MSI2: variants seen among roughly 807,000 people sequenced by gnomAD.
MSI2 encodes RNA-binding protein Musashi homolog 2.
A neutral mutation model predicts 45.6 loss-of-function variants in MSI2; 17 were observed. The ratio of observed to expected loss-of-function variants is 0.37; its 90% CI spans 0.26 to 0.56. The LOEUF is 0.56. Ranked by LOEUF, MSI2 falls within the 20% of genes least tolerant of loss-of-function variation. MSI2 has a pLI of 0.77. For synonymous variants in MSI2, 156 were observed against 158.2 expected (o/e 0.99, Z 0.11); for missense variants, 293 against 444.2 (o/e 0.66, Z 3.06).
At chr17:57,399,750 G>A (rs373917805) in intron 5 of MSI2, among the ~76,000 whole-genome samples, 1 of 152,326 alleles carries the variant, frequency 6.6e-6, no homozygotes, top group East Asian at 1.9e-4. Context: ...GCATTAGGTG[G>A]GACCTTGGAG....
chr17:57,619,051 G>A (rs985926661), intron 9 of MSI2, among the ~76,000 whole-genome samples: 1 of 152,140 alleles, frequency 6.6e-6, no homozygotes, highest in African/African-American at 2.4e-5. Context: ...TGGGAAGAAG[G>A]AACTGGTTTT....
chr17:57,371,710 G>C (rs1052779008), intron 5 of MSI2, among the ~76,000 whole-genome samples: 1 of 151,942 alleles, frequency 6.6e-6, no homozygotes, highest in Non-Finnish European at 1.5e-5. Flanking sequence ...TGAATAGTTA[G>C]CTGGTTAGTG....
chr17:57,686,162 C>T (rs543239889), downstream of MSI2, among the ~76,000 whole-genome samples: 1 of 152,236 alleles, frequency 6.6e-6, no homozygotes, highest in African/African-American at 2.4e-5. Flanking sequence ...TGACAAATGT[C>T]AGCGTCAGTG....
intron 7 of MSI2, among the ~76,000 whole-genome samples, chr17:57,579,519 C>T (rs1341482533): frequency 6.6e-6 from 1 of 152,164 alleles, no homozygotes; most frequent in Non-Finnish European, 1.5e-5. Flanking sequence ...GCCATCAGGA[C>T]ATCTGAGGAC....
chr17:57,646,083 G>A (rs1452257452), intron 10 of MSI2, among the ~76,000 whole-genome samples: 1 of 152,174 alleles, frequency 6.6e-6, no homozygotes, highest in Non-Finnish European at 1.5e-5. Flanking sequence ...CTGCATCAGA[G>A]CATCCTGACC....
chr17:57,504,220 C>T (rs1452267151), intron 6 of MSI2, among the ~76,000 whole-genome samples: 5 of 152,212 alleles, frequency 3.3e-5, no homozygotes, highest in Admixed American at 6.5e-5. Flanking sequence ...TTCCCGTGGT[C>T]TCCCATCCAG....
At chr17:57,297,296 G>A (rs899147994) in intron 5 of MSI2, among the ~76,000 whole-genome samples, 1 of 151,768 alleles carries the variant, frequency 6.6e-6, no homozygotes, top group Non-Finnish European at 1.5e-5. Context: ...TTGCAATAAA[G>A]TGAATATTGC....
intron 5 of MSI2, among the ~76,000 whole-genome samples, chr17:57,296,159 G>A (rs1910937818): frequency 6.6e-6 from 1 of 151,892 alleles, no homozygotes; most frequent in South Asian, 2.1e-4. Flanking sequence ...TGCATTATCT[G>A]AGATAGTTGG....
In MSI2 at chr17:57,679,743, GTA is replaced by G; in HGVS notation, c.*231_*232del. On this transcript the variant is annotated 3_prime_UTR_variant, in exon 14 of 14. Coordinates refer to ENST00000284073, the MANE Select transcript of MSI2 (RefSeq NM_138962.4). The stretch of plus-strand genomic sequence containing the variant: ...ATATAAGACAACAGCTTTTAAATGT[GTA>G]TATAACCCATGATTTCGGTTTTGTT... 2.6e-6 allele frequency: 1 copy of G among 381,954 alleles called. No individual in the cohort carries two copies. The highest frequency in any genetic ancestry group is 1.2e-4 in the South Asian group (1 of 8,390). 23.7% of individuals were successfully genotyped at this position (381,954 alleles called of 1,614,324 possible). A position where few individuals can be genotyped will look rare whatever the true frequency, so the allele number is the denominator to read the frequency against.
intron 7 of MSI2, among the ~76,000 whole-genome samples, chr17:57,556,101 AGT>A (rs981469293): frequency 7.2e-5 from 11 of 152,222 alleles, no homozygotes; most frequent in African/African-American, 2.7e-4. Context: ...GACATTGTCC[AGT>A]GTCCATCAAG....
chr17:57,371,758 C>T (rs1224879747), intron 5 of MSI2, among the ~76,000 whole-genome samples: 1 of 151,752 alleles, frequency 6.6e-6, no homozygotes, highest in African/African-American at 2.4e-5. Flanking sequence ...TGTGGAATAT[C>T]CTTGTACATA....
At chr17:57,384,864 C>T (rs2083657448) in intron 5 of MSI2, among the ~76,000 whole-genome samples, 1 of 152,152 alleles carries the variant, frequency 6.6e-6, no homozygotes, top group Non-Finnish European at 1.5e-5. Flanking sequence ...ATTTAACATA[C>T]TCAAAGTGAA....
intron 6 of MSI2, among the ~76,000 whole-genome samples, chr17:57,502,636 T>TATATATAGAG: frequency 2.1e-5 from 2 of 96,936 alleles, no homozygotes; most frequent in African/African-American, 3.5e-5. Flanking sequence ...TATATATATA[T>TATATATAGAG]AGTCATCATT....
intron 6 of MSI2, among the ~76,000 whole-genome samples, chr17:57,503,864 C>T (rs1397336746): frequency 6.6e-6 from 1 of 152,214 alleles, no homozygotes; most frequent in East Asian, 1.9e-4. Context: ...CCTGCCTCAG[C>T]GTCTCGAGTA....
chr17:57,629,491 C>T (rs1176377050), intron 10 of MSI2: 1 of 152,194 alleles, frequency 6.6e-6, no homozygotes, highest in Non-Finnish European at 1.5e-5. Context: ...GAAACACTGG[C>T]CACATTTCAG....
chr17:57,623,386 C>T (rs1378079302), intron 9 of MSI2, among the ~76,000 whole-genome samples: 1 of 152,120 alleles, frequency 6.6e-6, no homozygotes, highest in Non-Finnish European at 1.5e-5. Context: ...ATGGACCCGT[C>T]TAGAAGGGAA....
At chr17:57,260,908 C>T (rs972623314) in intron 4 of MSI2, among the ~76,000 whole-genome samples, 4 of 151,516 alleles carry the variant, frequency 2.6e-5, no homozygotes, top group Admixed American at 6.6e-5. Flanking sequence ...TCCTCCACAG[C>T]ATTACTCTTT....
chr17:57,277,222 A>AT (rs1195839181), intron 5 of MSI2, among the ~76,000 whole-genome samples: 1 of 151,478 alleles, frequency 6.6e-6, no homozygotes, highest in Non-Finnish European at 1.5e-5. Flanking sequence ...CACCCAGCTA[A>AT]TTTTTTTGTA....
chr17:57,325,644 G>A (rs1404600250), intron 5 of MSI2, among the ~76,000 whole-genome samples: 6 of 152,270 alleles, frequency 3.9e-5, no homozygotes, highest in Admixed American at 3.3e-4. Context: ...TTTGCTGACC[G>A]AGTTGGTGTT....
Sources: allele counts gnomAD v4.1 joint callset (sites outside exome capture counted in the v4.1 genomes callset), GRCh38; gene constraint gnomAD v4.1.1; transcripts MANE v1.5; gene names NCBI Gene and HGNC (gene_info 2026-07-23, HGNC 2026-07-21).